ARHGEF12: variants seen among roughly 807,000 people sequenced by gnomAD.
The protein encoded by ARHGEF12 is KMT2A/ARHGEF12 fusion protein.
A neutral mutation model predicts 211.2 loss-of-function variants in ARHGEF12; 66 were observed. That is an observed-to-expected ratio of 0.31 (90% CI 0.26 to 0.38). ARHGEF12 has a LOEUF of 0.38. Among genes scored for constraint, ARHGEF12 ranks in the 10% least tolerant of loss-of-function variants. ARHGEF12 has a pLI of 1.00. For synonymous variants in ARHGEF12, 592 were observed against 638.4 expected (o/e 0.93, Z 1.09); for missense variants, 1,429 against 1,869.5 (o/e 0.76, Z 4.34).
intron 29 of ARHGEF12, among the ~76,000 whole-genome samples, chr11:120,467,910 A>T (rs1047027368): frequency 6.6e-6 from 1 of 152,180 alleles, no homozygotes; most frequent in African/African-American, 2.4e-5. Context: ...CTGTTTATGT[A>T]CTGTCCCTGA....
At chr11:120,387,880 G>A (rs902208627) in intron 1 of ARHGEF12, among the ~76,000 whole-genome samples, 1 of 152,104 alleles carries the variant, frequency 6.6e-6, no homozygotes, top group Non-Finnish European at 1.5e-5. Flanking sequence ...ACGTTTACTG[G>A]TAGTTTTGTT....
At chr11:120,428,525 T>C (rs1945423900) in intron 8 of ARHGEF12, among the ~76,000 whole-genome samples, 1 of 152,210 alleles carries the variant, frequency 6.6e-6, no homozygotes, top group African/African-American at 2.4e-5. Context: ...CATCTTAGAA[T>C]GTGTACTTTT....
chr11:120,470,874 G>T (rs1057062765), intron 30 of ARHGEF12, among the ~76,000 whole-genome samples: 4 of 152,286 alleles, frequency 2.6e-5, no homozygotes, highest in Admixed American at 6.5e-5. Flanking sequence ...TGTATTATCT[G>T]TGGCTACTTT....
intron 1 of ARHGEF12, among the ~76,000 whole-genome samples, chr11:120,341,980 G>A (rs1455914409): frequency 6.6e-6 from 1 of 152,138 alleles, no homozygotes. Context: ...TTTCAGTTCA[G>A]TACAGGGCAG....
chr11:120,339,055 A>C (rs1251618224), intron 1 of ARHGEF12, among the ~76,000 whole-genome samples: 3 of 144,306 alleles, frequency 2.1e-5, no homozygotes, highest in Non-Finnish European at 4.5e-5. Flanking sequence ...AAGAGATTAC[A>C]AAATGAATAT....
chr11:120,484,980 C>T, intron 40 of ARHGEF12, 87 bp from the exon 41 acceptor site: 1 of 1,394,518 alleles, frequency 7.2e-7, no homozygotes, highest in South Asian at 1.2e-5. Context: ...AAGATTGAAC[C>T]ACGCCCACAG....
chr11:120,353,705 C>T (rs1943056526), intron 1 of ARHGEF12, among the ~76,000 whole-genome samples: 1 of 152,190 alleles, frequency 6.6e-6, no homozygotes, highest in Non-Finnish European at 1.5e-5. Context: ...CCCACATCAG[C>T]CCTCTGAGAC....
At chr11:120,463,579 TG>T (rs1219662224) in intron 27 of ARHGEF12, 1 of 151,548 alleles carries the variant, frequency 6.6e-6, no homozygotes, top group African/African-American at 2.4e-5. Context: ...TGCTTGAGTT[TG>T]GGGGCATTAT....
intron 3 of ARHGEF12, 102 bp from the exon 4 acceptor site, chr11:120,409,292 T>C (rs1944811747): frequency 8.5e-7 from 1 of 1,180,396 alleles, no homozygotes. Flanking sequence ...GTTTGCACGA[T>C]TTAACTTGAT....
intron 1 of ARHGEF12, among the ~76,000 whole-genome samples, chr11:120,376,774 C>T (rs1394243994): frequency 2.0e-5 from 3 of 152,138 alleles, no homozygotes; most frequent in African/African-American, 7.2e-5. Context: ...TATCCTTTAA[C>T]AATCCCAACT....
Position 120,489,148 on chromosome 11 carries a change from C to G in ARHGEF12, c.*4071C>G, listed in dbSNP as rs2136049039. On this transcript the variant is annotated 3_prime_UTR_variant, in exon 41 of 41. Transcript: ENST00000397843. ...TTTCCTGTCAGTGACTGTCAGACATCTTCCTGCTTATTAGAGCATCCCTAG... is the reference window on the plus strand; with the variant it reads ...TTTCCTGTCAGTGACTGTCAGACATGTTCCTGCTTATTAGAGCATCCCTAG... 1 of 227,286 alleles carries G rather than the reference C, an allele frequency of 4.4e-6. No homozygotes were observed. Among genetic ancestry groups the G allele is most frequent in the Middle Eastern group, 1.4e-3 (1 of 736 alleles). The allele number at this position is 227,286 out of a possible 1,614,324, so 14.1% of individuals were successfully genotyped here.
intron 1 of ARHGEF12, among the ~76,000 whole-genome samples, chr11:120,373,187 A>G (rs536292288): frequency 3.9e-5 from 6 of 152,296 alleles, no homozygotes; most frequent in African/African-American, 1.4e-4. Flanking sequence ...TTTCAACCAT[A>G]TAAGATATAA....
intron 1 of ARHGEF12, among the ~76,000 whole-genome samples, chr11:120,364,980 T>C (rs1206701575): frequency 6.6e-6 from 1 of 152,072 alleles, no homozygotes; most frequent in Non-Finnish European, 1.5e-5. Flanking sequence ...AGAGACAAGC[T>C]CTCACTATGT....
chr11:120,349,225 A>G (rs539710069), intron 1 of ARHGEF12, among the ~76,000 whole-genome samples: 5 of 152,316 alleles, frequency 3.3e-5, no homozygotes, highest in South Asian at 4.1e-4. Context: ...TGTGAACAGT[A>G]AAAAAGGAGA....
At chr11:120,474,879 G>A (rs1374382455) in intron 32 of ARHGEF12, among the ~76,000 whole-genome samples, 1 of 152,178 alleles carries the variant, frequency 6.6e-6, no homozygotes, top group Admixed American at 6.5e-5. Context: ...TTATAGTCTA[G>A]TGAGTCTTTG....
intron 1 of ARHGEF12, among the ~76,000 whole-genome samples, chr11:120,392,637 G>T (rs1388776590): frequency 6.6e-6 from 1 of 152,162 alleles, no homozygotes; most frequent in Admixed American, 6.5e-5. Flanking sequence ...ATTTAGGGAC[G>T]TAACTATGTC....
At chr11:120,445,341 C>T (rs1946011941) in intron 15 of ARHGEF12, 81 bp from the exon 16 acceptor site, 5 of 1,367,430 alleles carry the variant, frequency 3.7e-6, no homozygotes, top group Non-Finnish European at 5.2e-6. Context: ...CAAGTTGTAT[C>T]CCCTTACTTT....
At chr11:120,382,173 T>G (rs1372687100) in intron 1 of ARHGEF12, among the ~76,000 whole-genome samples, 1 of 152,220 alleles carries the variant, frequency 6.6e-6, no homozygotes, top group African/African-American at 2.4e-5. Context: ...TGCATGGATA[T>G]AAGTTTTCAA....
At chr11:120,344,284 A>AAAAAAAAAC (rs1565414420) in intron 1 of ARHGEF12, among the ~76,000 whole-genome samples, 2 of 151,242 alleles carry the variant, frequency 1.3e-5, no homozygotes, top group African/African-American at 4.9e-5. Context: ...AAAAAAAAAA[A>AAAAAAAAAC]AAAAAAAAAA....
Sources: allele counts gnomAD v4.1 joint callset (sites outside exome capture counted in the v4.1 genomes callset), GRCh38; gene constraint gnomAD v4.1.1; transcripts MANE v1.5; gene names NCBI Gene and HGNC (gene_info 2026-07-23, HGNC 2026-07-21).